Variants in DUSP14 observed in about 807,000 individuals in gnomAD.
DUSP14 encodes dual specificity phosphatase 14, also known as dual specificity protein phosphatase 14.
DUSP14 carries 5 observed loss-of-function variants against 13.2 expected under a neutral mutation model. The observed-to-expected ratio is 0.38, with a 90% CI of 0.20 to 0.80. DUSP14 has a LOEUF of 0.80. DUSP14 is among the 30% of genes least tolerant of loss of function. The pLI is 0.44. For synonymous variants in DUSP14, 91 were observed against 103.4 expected, an observed-to-expected ratio of 0.88 and a Z score of 0.73; for missense variants, 185 against 264.0, an observed-to-expected ratio of 0.70 and a Z score of 2.07.
At chr17:37,504,754 T>A (rs1455995790) in intron 1 of DUSP14, among the ~76,000 whole-genome samples, 3 of 152,100 alleles carry the variant, frequency 2.0e-5, no homozygotes, top group African/African-American at 7.2e-5. Flanking sequence ...ATTTTTAAAA[T>A]TTTTTTTGCA....
At chr17:37,489,840 C>T (rs1431022977), upstream of DUSP14, 2 of 147,386 alleles carry the variant, frequency 1.4e-5, no homozygotes, top group Non-Finnish European at 1.5e-5. Flanking sequence ...GCGCGGCCCG[C>T]CCCGGGCGCG....
rs1311616145 is a variant in DUSP14, at chr17:37,511,607, A to AGCTGGG, written c.-92-573_-92-568dup. Among the ~76,000 whole-genome samples, 83 of 19,474 alleles carry AGCTGGG rather than the reference A, an allele frequency of 4.3e-3. 1 individual carries two copies. Among genetic ancestry groups the AGCTGGG allele is most frequent in the Non-Finnish European group, 4.7e-3 (56 of 11,880 alleles). 12.8% of individuals were successfully genotyped at this position (19,474 alleles called of 152,430 possible). On this transcript the variant is annotated intron_variant, in intron 2 of 2. Coordinates refer to ENST00000617516, the MANE Select transcript of DUSP14 (RefSeq NM_007026.4). ...TTCCTTTTTTTTTTTTTTTTTTAGA[A>AGCTGGG]GCTGGGTCTCCCTGTTGCCCAGGTT...
intron 1 of DUSP14, among the ~76,000 whole-genome samples, chr17:37,491,088 A>G (rs2054025091): frequency 6.6e-6 from 1 of 152,220 alleles, no homozygotes; most frequent in Non-Finnish European, 1.5e-5. Flanking sequence ...GACAAGTCAC[A>G]GTTTCTCTCC....
intron 1 of DUSP14, among the ~76,000 whole-genome samples, chr17:37,492,178 GTAGTAGAATCAT>G (rs1300457155): frequency 2.6e-5 from 4 of 152,162 alleles, no homozygotes; most frequent in Non-Finnish European, 5.9e-5. Context: ...CAACTTCAAA[GTAGTAGAATCAT>G]TACGATCCTA....
chr17:37,502,753 GT>G (rs2054113368), intron 1 of DUSP14, among the ~76,000 whole-genome samples: 1 of 152,144 alleles, frequency 6.6e-6, no homozygotes, highest in Non-Finnish European at 1.5e-5. Flanking sequence ...TGTTGAGCTA[GT>G]TTGGGCTTCC....
chr17:37,511,603 T>TTTTTTTTTTA (rs1232617543), intron 2 of DUSP14, among the ~76,000 whole-genome samples: 9 of 142,446 alleles, frequency 6.3e-5, no homozygotes, highest in Non-Finnish European at 9.1e-5. Flanking sequence ...TTTTTTTTTT[T>TTTTTTTTTTA]AGAAGCTGGG....
intron 1 of DUSP14, among the ~76,000 whole-genome samples, chr17:37,501,809 G>C (rs1195098016): frequency 5.3e-5 from 8 of 152,164 alleles, no homozygotes; most frequent in Admixed American, 5.2e-4. Flanking sequence ...GAGCCACCGT[G>C]CCTGGCCAAG....
At position 37,513,139 on chromosome 17, in the gene DUSP14, T is replaced by G. The variant is rs1488170981; in HGVS notation, c.*270T>G. ...ATCATTTTTACCAATTTGAACAGTT[T>G]AATAAACTGGTTCTGCTCTCTTCTG... On this transcript the variant is annotated 3_prime_UTR_variant, in exon 3 of 3. Transcript: ENST00000617516. 1 of 486,524 alleles carries G rather than the reference T, an allele frequency of 2.1e-6. No homozygotes were observed. Among genetic ancestry groups the G allele is most frequent in the African/African-American group, 1.9e-5 (1 of 51,460 alleles). The allele number at this position is 486,524 out of a possible 1,614,324, so 30.1% of individuals were successfully genotyped here. A position where few individuals can be genotyped will look rare whatever the true frequency, so the allele number is the denominator to read the frequency against.
At chr17:37,500,959 A>G (rs1164244262) in intron 1 of DUSP14, among the ~76,000 whole-genome samples, 1 of 152,016 alleles carries the variant, frequency 6.6e-6, no homozygotes, top group Non-Finnish European at 1.5e-5. Context: ...AGCCAGTGAA[A>G]TGTACATTTT....
chr17:37,490,212 C>A (rs1387282968), intron 1 of DUSP14, among the ~76,000 whole-genome samples: 5 of 148,022 alleles, frequency 3.4e-5, no homozygotes, highest in Non-Finnish European at 3.0e-5. Context: ...CGCCCCCTGC[C>A]GCTCCCCCGC....
At chr17:37,489,454 G>T (rs946308966), upstream of DUSP14, among the ~76,000 whole-genome samples, 1 of 152,168 alleles carries the variant, frequency 6.6e-6, no homozygotes, top group Non-Finnish European at 1.5e-5. Context: ...GGTGGGGTGG[G>T]GTCGAGGCCG....
chr17:37,502,751 T>C (rs1441716172), intron 1 of DUSP14, among the ~76,000 whole-genome samples: 1 of 152,138 alleles, frequency 6.6e-6, no homozygotes, highest in Non-Finnish European at 1.5e-5. Flanking sequence ...TCTGTTGAGC[T>C]AGTTTGGGCT....
In DUSP14 at chr17:37,512,567, A is replaced by G. The variant is rs750686618; in HGVS notation, c.295A>G (p.Ser99Gly). ...YFDTVADKIH[S>G]VSRKHGATLV... The stretch of plus-strand genomic sequence containing the variant: ...TGACACCGTGGCTGACAAGATCCAC[A>G]GTGTGAGCAGGAAGCACGGGGCCAC... The change falls in exon 3 of 3, where the codon AGT (serine) becomes GGT (glycine). Residue 99 changes from serine to glycine, a missense_variant. Ser to Gly is a moderately conservative substitution (Grantham distance 56). Transcript: ENST00000617516. The surrounding 1 kb of genome is among the most constrained non-coding windows in gnomAD (Gnocchi z 4.8). 3 of 1,614,216 alleles carry G rather than the reference A, an allele frequency of 1.9e-6. No homozygotes were observed. The highest frequency in any genetic ancestry group is 2.5e-6 in the Non-Finnish European group (3 of 1,180,024).
chr17:37,498,528 G>A (rs948022635), intron 1 of DUSP14, among the ~76,000 whole-genome samples: 5 of 151,592 alleles, frequency 3.3e-5, no homozygotes, highest in East Asian at 1.9e-4. Context: ...GGGTTTCACC[G>A]TGTTAGCCAG....
chr17:37,490,727 CT>C (rs896837511), intron 1 of DUSP14, among the ~76,000 whole-genome samples: 3 of 151,764 alleles, frequency 2.0e-5, no homozygotes, highest in African/African-American at 7.3e-5. Flanking sequence ...CCACCTTGTA[CT>C]TTCTATCCAG....
intron 1 of DUSP14, chr17:37,491,645 ATAAT>A (rs2054029247): frequency 6.6e-6 from 1 of 152,232 alleles, no homozygotes; most frequent in African/African-American, 2.4e-5. Flanking sequence ...TTCTGTAATA[ATAAT>A]TAATAGAATG....
intron 1 of DUSP14, among the ~76,000 whole-genome samples, chr17:37,497,753 A>AG (rs2054075339): frequency 6.6e-6 from 1 of 151,558 alleles, no homozygotes; most frequent in African/African-American, 2.4e-5. Context: ...AAAAAAAAAA[A>AG]AAAAGACAAG....
intron 1 of DUSP14, among the ~76,000 whole-genome samples, chr17:37,501,715 C>T (rs1225963932): frequency 6.6e-6 from 1 of 152,128 alleles, no homozygotes; most frequent in Non-Finnish European, 1.5e-5. Flanking sequence ...CAGGGTTTTA[C>T]CATGTTGGCC....
At chr17:37,511,925 C>A (rs931222204) in intron 2 of DUSP14, among the ~76,000 whole-genome samples, 11 of 54,864 alleles carry the variant, frequency 2.0e-4, no homozygotes, top group Admixed American at 2.7e-4. Flanking sequence ...CCAGCCACCC[C>A]CCCCCCACCC....
Sources: gnomAD v4.1 joint callset for allele counts (sites outside exome capture counted in the v4.1 genomes callset) on GRCh38, gnomAD v4.1.1 for gene constraint, Gnocchi (gnomAD v3.1) non-coding constraint, MANE v1.5 for transcripts, NCBI Gene and HGNC (gene_info 2026-07-23, HGNC 2026-07-21) for gene names.